RAB3IP: variants seen among roughly 807,000 people sequenced by gnomAD.
The protein encoded by RAB3IP is RAB3A interacting protein.
Under a neutral mutation model 59.1 loss-of-function variants are expected in RAB3IP, and 36 were observed. The observed-to-expected ratio is 0.61, with a 90% CI of 0.47 to 0.80. The LOEUF (loss-of-function observed/expected upper bound fraction) is 0.80, where lower values mean the gene tolerates loss of function less well. RAB3IP is among the 30% of genes least tolerant of loss of function. The probability of loss-of-function intolerance (pLI) is 0.00; values close to 1 mark genes in which losing one functional copy is unlikely to be tolerated. For synonymous variants in RAB3IP, 207 were observed against 191.2 expected, an observed-to-expected ratio of 1.08 and a Z score of -0.68; for missense variants, 511 against 536.0, an observed-to-expected ratio of 0.95 and a Z score of 0.46.
At chr12:69,739,842 T>A in intron 1 of RAB3IP, 1 of 1,613,990 alleles carries the variant, frequency 6.2e-7, no homozygotes, top group South Asian at 1.1e-5. Flanking sequence ...GAGTTGCCGG[T>A]TGTTATGGGA....
At chr12:69,800,986 A>T (rs947600984) in intron 7 of RAB3IP, among the ~76,000 whole-genome samples, 2 of 152,186 alleles carry the variant, frequency 1.3e-5, no homozygotes, top group East Asian at 1.9e-4. Flanking sequence ...GTTAAGATGA[A>T]CATTTTTCAC....
At chr12:69,814,796 C>T (rs1485110263) in intron 10 of RAB3IP, among the ~76,000 whole-genome samples, 1 of 152,132 alleles carries the variant, frequency 6.6e-6, no homozygotes. Flanking sequence ...TTTCCACTTA[C>T]AGTGGGAACT....
intron 3 of RAB3IP, among the ~76,000 whole-genome samples, chr12:69,779,792 G>T (rs976234356): frequency 1.3e-5 from 2 of 151,464 alleles, no homozygotes; most frequent in African/African-American, 2.4e-5. Context: ...CAGCTAGTTT[G>T]ATTTTTATTC....
intron 4 of RAB3IP, among the ~76,000 whole-genome samples, chr12:69,788,403 TA>T: frequency 6.6e-6 from 1 of 152,114 alleles, no homozygotes; most frequent in East Asian, 1.9e-4. Context: ...GATACAATGG[TA>T]AATATTTACG....
Position 69,808,602 on chromosome 12 carries a change from A to G in RAB3IP, c.1131-4176A>G, listed in dbSNP as rs545871134. On this transcript the variant is annotated intron_variant, in intron 8 of 10. Transcript: ENST00000247833. ...CTGGGTGCTCCTGTATTGGGTGCAT[A>G]TATATTTAGGATAGTTAGTTCTTCT... Among the ~76,000 whole-genome samples, 1,305 of 152,244 alleles carry G rather than the reference A, an allele frequency of 8.6e-3. 21 individuals are homozygous for G. The highest frequency in any genetic ancestry group is 0.028 in the South Asian group (136 of 4,820).
intron 4 of RAB3IP, 84 bp downstream of exon 4, chr12:69,784,899 A>G (rs1555224326): frequency 2.0e-5 from 15 of 761,044 alleles, no homozygotes; most frequent in Admixed American, 4.3e-5. Context: ...ATCTTGAAAA[A>G]TATTTGCTTA....
intron 3 of RAB3IP, among the ~76,000 whole-genome samples, chr12:69,764,267 T>C (rs189213603): frequency 1.3e-5 from 2 of 152,314 alleles, no homozygotes; most frequent in Admixed American, 6.5e-5. Context: ...AGGATTCTTA[T>C]GGCAAAGATT....
chr12:69,747,439 C>T (rs953217901), intron 1 of RAB3IP, among the ~76,000 whole-genome samples: 2 of 151,946 alleles, frequency 1.3e-5, no homozygotes, highest in Non-Finnish European at 2.9e-5. Flanking sequence ...GTAGCTGGGA[C>T]CACAGGCGTA....
In RAB3IP at chr12:69,750,198, G is replaced by A. The variant is rs541073540; in HGVS notation, c.-25-5186G>A. 2.6e-5 allele frequency among the ~76,000 whole-genome samples: 4 copies of A among 152,220 alleles called. No individual in the cohort carries two copies. In the South Asian group the frequency reaches 6.2e-4, roughly 24 times the overall value. The stretch of plus-strand genomic sequence containing the variant: ...GCTTAATATTTAGTAAGTGCTCAAC[G>A]AATACTAGCTGTTATGGGAGGAGCC... On this transcript the variant is annotated intron_variant, in intron 1 of 10. Transcript: ENST00000247833.
At chr12:69,750,168 G>T (rs377718157) in intron 1 of RAB3IP, among the ~76,000 whole-genome samples, 3 of 152,214 alleles carry the variant, frequency 2.0e-5, no homozygotes, top group East Asian at 3.9e-4. Context: ...CCATAGATGC[G>T]CTATGCTTAA....
chr12:69,809,090 G>A (rs1326836621), intron 8 of RAB3IP, among the ~76,000 whole-genome samples: 1 of 150,376 alleles, frequency 6.6e-6, no homozygotes, highest in Non-Finnish European at 1.5e-5. Context: ...TTTAGGGCAG[G>A]CCTGGTGGTG....
intron 3 of RAB3IP, among the ~76,000 whole-genome samples, chr12:69,779,379 G>A (rs535569092): frequency 2.6e-5 from 4 of 151,204 alleles, no homozygotes; most frequent in Non-Finnish European, 5.9e-5. Context: ...CGTCTTCTGC[G>A]TCGCTCACGC....
At chr12:69,771,845 T>C (rs577126886) in intron 3 of RAB3IP, among the ~76,000 whole-genome samples, 16 of 152,308 alleles carry the variant, frequency 1.1e-4, no homozygotes, top group Admixed American at 9.8e-4. Context: ...TCTAAGTGGG[T>C]TGAGATGATA....
chr12:69,756,364 A>G, intron 2 of RAB3IP, 41 bp from the exon 3 acceptor site: 4 of 1,601,268 alleles, frequency 2.5e-6, no homozygotes, highest in Non-Finnish European at 3.4e-6. Flanking sequence ...CTATTGGAGC[A>G]TATGCTGATA....
chr12:69,813,052 A>G lies in RAB3IP; in HGVS notation c.1300+19A>G, dbSNP rs768422742. 66 of 1,572,164 alleles carry G rather than the reference A, an allele frequency of 4.2e-5. No homozygotes were observed. Among genetic ancestry groups the G allele is most frequent in the Non-Finnish European group, 5.4e-5 (62 of 1,151,712 alleles). On this transcript the variant is annotated intron_variant, in intron 10 of 10. Transcript: ENST00000247833. The stretch of plus-strand genomic sequence containing the variant: ...CAGGATGGTGAGTGTTCTTGATTCA[A>G]TATAAGTCTTTACATAAAAGTTCAG...
chr12:69,812,262 G>A (rs1248948117), intron 8 of RAB3IP: 3 of 152,336 alleles, frequency 2.0e-5, no homozygotes, highest in Non-Finnish European at 4.4e-5. Context: ...TTAAGATTCA[G>A]TATTTTTATA....
intron 3 of RAB3IP, among the ~76,000 whole-genome samples, chr12:69,764,812 A>G (rs1156451860): frequency 1.3e-5 from 2 of 152,050 alleles, no homozygotes; most frequent in African/African-American, 4.8e-5. Flanking sequence ...TGTGTTATTT[A>G]TGATTTAACG....
At chr12:69,790,725 C>T (rs989222509) in intron 4 of RAB3IP, among the ~76,000 whole-genome samples, 1 of 152,098 alleles carries the variant, frequency 6.6e-6, no homozygotes, top group Non-Finnish European at 1.5e-5. Context: ...GCTGGGATTA[C>T]AGGTGTGCAC....
intron 8 of RAB3IP, among the ~76,000 whole-genome samples, chr12:69,805,836 A>G (rs1478672838): frequency 2.6e-5 from 4 of 152,202 alleles, no homozygotes; most frequent in East Asian, 3.9e-4. Flanking sequence ...CTTGCATCCC[A>G]GGGATGAAGC....
Sources: allele counts gnomAD v4.1 joint callset (sites outside exome capture counted in the v4.1 genomes callset), GRCh38; gene constraint gnomAD v4.1.1; transcripts MANE v1.5; gene names NCBI Gene and HGNC (gene_info 2026-07-23, HGNC 2026-07-21).